MAST2: variants seen among roughly 807,000 people sequenced by gnomAD.
The protein encoded by MAST2 is microtubule-associated serine/threonine-protein kinase 2.
Under a neutral mutation model 147.4 loss-of-function variants are expected in MAST2, and 70 were observed. The observed-to-expected ratio is 0.47, with a 90% CI of 0.39 to 0.58. The LOEUF (loss-of-function observed/expected upper bound fraction) is 0.58. Among genes scored for constraint, MAST2 ranks in the 20% least tolerant of loss-of-function variants. The pLI is 0.00. For missense variants in MAST2, 2,080 were observed against 2,302.3 expected (o/e 0.90, Z 1.98); for synonymous variants, 869 against 896.8 (o/e 0.97, Z 0.55).
chr1:46,035,057 C>A lies in MAST2; in HGVS notation c.4388C>A (p.Ala1463Asp). Residue 1463 changes from alanine to aspartate, a missense_variant, in exon 29 of 29, where the codon GCC (alanine) becomes GAC (aspartate). Coordinates refer to ENST00000361297, the MANE Select transcript of MAST2 (RefSeq NM_015112.3). This position sits in a 1 kb window ranked among gnomAD's most constrained non-coding sequence, Gnocchi z 5.5. ...AGGAGTGTGCTGTCTGGCAAGGGGG[C>A]CCTGCCAGGGAAGGGGGTGCTGCAG... ...GARSVLSGKG[A>D]LPGKGVLQPA... is the part of the protein sequence containing the mutation. 6.2e-7 allele frequency: 1 copy of A among 1,613,770 alleles called. No homozygotes were observed. The highest frequency in any genetic ancestry group is 8.5e-7 in the Non-Finnish European group (1 of 1,179,976).
intron 4 of MAST2, among the ~76,000 whole-genome samples, chr1:45,896,325 T>G (rs1227724060): frequency 1.3e-5 from 2 of 152,062 alleles, no homozygotes; most frequent in African/African-American, 4.8e-5. Flanking sequence ...GCCACTGTAC[T>G]TAGCCTCTTA....
chr1:45,881,791 G>A (rs1215613565), intron 3 of MAST2, among the ~76,000 whole-genome samples: 1 of 151,836 alleles, frequency 6.6e-6, no homozygotes. Flanking sequence ...CCATCTAGTG[G>A]GAAAAATGTT....
intron 4 of MAST2, among the ~76,000 whole-genome samples, chr1:45,937,060 C>A (rs12022335): frequency 0.35 from 48,800 of 139,540 alleles, 8,696 homozygotes; most frequent in African/African-American, 0.45. Context: ...TTTTTTTCTC[C>A]AGTCACTTTT....
At chr1:45,999,542 G>A (rs771857539) in intron 6 of MAST2, among the ~76,000 whole-genome samples, 6 of 152,244 alleles carry the variant, frequency 3.9e-5, no homozygotes, top group African/African-American at 9.6e-5. Flanking sequence ...AGAGTCAGGC[G>A]CACTCGGCTG....
At chr1:45,987,762 G>GTTTTTTTT (rs11462786) in intron 5 of MAST2, among the ~76,000 whole-genome samples, 2 of 62,734 alleles carry the variant, frequency 3.2e-5, no homozygotes, top group Non-Finnish European at 5.7e-5. Context: ...AGCATTTCTT[G>GTTTTTTTT]TTTTTTTTTT....
intron 5 of MAST2, among the ~76,000 whole-genome samples, chr1:45,968,078 A>T (rs1295638496): frequency 6.6e-6 from 1 of 152,180 alleles, no homozygotes; most frequent in African/African-American, 2.4e-5. Flanking sequence ...AGCCTTTTAG[A>T]TTTTGGGCTT....
rs533944593 is a variant in MAST2, at chr1:46,026,510, A to T, written c.1919+695A>T. Among the ~76,000 whole-genome samples, 5 of 152,298 alleles carry T rather than the reference A, an allele frequency of 3.3e-5. No individual in the cohort carries two copies. In the East Asian group the frequency reaches 7.7e-4, roughly 24 times the overall value. On this transcript the variant is annotated intron_variant, in intron 16 of 28. Coordinates refer to ENST00000361297, the MANE Select transcript of MAST2 (RefSeq NM_015112.3). Reference sequence around the variant, plus strand: ...GAAGGGTCTGCTAACCAAAGATATGATAGAATGGCATGCCCAGATTATGGT... The same window carrying T: ...GAAGGGTCTGCTAACCAAAGATATGTTAGAATGGCATGCCCAGATTATGGT...
intron 4 of MAST2, among the ~76,000 whole-genome samples, chr1:45,884,597 A>T (rs151193337): frequency 6.6e-6 from 1 of 152,290 alleles, no homozygotes; most frequent in Non-Finnish European, 1.5e-5. Flanking sequence ...TGTGCTGGGT[A>T]GAGTGATCTA....
intron 5 of MAST2, among the ~76,000 whole-genome samples, chr1:45,978,241 C>T (rs1005394079): frequency 2.0e-5 from 3 of 152,112 alleles, no homozygotes; most frequent in Admixed American, 6.5e-5. Context: ...AAGCTGGGTG[C>T]GGTGGCTCAC....
intron 4 of MAST2, among the ~76,000 whole-genome samples, chr1:45,909,823 T>C (rs1216850036): frequency 6.6e-6 from 1 of 152,066 alleles, no homozygotes; most frequent in Non-Finnish European, 1.5e-5. Context: ...GCCCTTTCTT[T>C]TCTTTTTTGA....
chr1:46,029,874 G>T lies in MAST2; in HGVS notation c.2364G>T (p.Leu788=), dbSNP rs757114928. The change falls in exon 20 of 29, where the codon CTG becomes CTT. Residue 788 remains leucine (L), a synonymous_variant. Coordinates refer to ENST00000361297, the MANE Select transcript of MAST2 (RefSeq NM_015112.3). ...EVKQHPFFTG[L]DWTGLLRQKA... ...AGCAGCACCCATTCTTTACTGGTCT[G>T]GACTGGACAGGACTTCTCCGCCAGA... 1 of 1,614,184 alleles carries T rather than the reference G, an allele frequency of 6.2e-7. No individual in the cohort carries two copies. The highest frequency in any genetic ancestry group is 2.2e-5 in the East Asian group (1 of 44,890).
rs188090240 is a variant in MAST2 at position 45,920,454 on chromosome 1, G to A, written c.500+38059G>A. Among the ~76,000 whole-genome samples, 42 of 152,188 alleles carry A rather than the reference G, an allele frequency of 2.8e-4. No individual in the cohort carries two copies. The East Asian group carries it at 4.2e-3, about 15-fold the overall frequency. On this transcript the variant is annotated intron_variant, in intron 4 of 28. Coordinates refer to ENST00000361297, the MANE Select transcript of MAST2 (RefSeq NM_015112.3). Reference sequence around the variant, plus strand: ...GGGCTTATTTTGCATGTTTCCCATCGGTCCAGTGTCTGCAAACTATTGTTT... The same window carrying A: ...GGGCTTATTTTGCATGTTTCCCATCAGTCCAGTGTCTGCAAACTATTGTTT...
chr1:45,817,514 T>C (rs1253533014), intron 1 of MAST2, among the ~76,000 whole-genome samples: 1 of 152,118 alleles, frequency 6.6e-6, no homozygotes, highest in Admixed American at 6.6e-5. Flanking sequence ...AAATAACGAC[T>C]TCATAAGACA....
At position 46,032,358 on chromosome 1, in the gene MAST2, T is replaced by C; in HGVS notation, c.3368T>C (p.Val1123Ala). 6.2e-7 allele frequency: 1 copy of C among 1,613,392 alleles called. No individual in the cohort carries two copies. Among genetic ancestry groups the C allele is most frequent in the Non-Finnish European group, 8.5e-7 (1 of 1,179,784 alleles). Residue 1123 changes from valine (V) to alanine (A), a missense_variant, in exon 25 of 29, where the codon GTC becomes GCC. By Grantham distance (64) the Val-to-Ala change is moderately conservative (BLOSUM62 0). Around this residue, in one of 4 missense-constraint regions of MAST2, gnomAD observed 1,278 missense variants for 1,304.2 expected, o/e 0.98. Coordinates refer to ENST00000361297, the MANE Select transcript of MAST2 (RefSeq NM_015112.3). ...KYGFTLRAIRVYMGDSDVYTV... is the reference protein window; with the variant it reads ...KYGFTLRAIRAYMGDSDVYTV... ...GGCTTCACCCTGCGGGCCATTCGCG[T>C]CTACATGGGTGACTCCGATGTCTAC...
At chr1:46,024,192 T>C (rs1186967026) in intron 15 of MAST2, 4 of 561,800 alleles carry the variant, frequency 7.1e-6, no homozygotes, top group African/African-American at 1.9e-5. Flanking sequence ...CATTCTGGGA[T>C]AGGATGTAGC....
chr1:46,032,787 AGGGGAGT>A, intron 26 of MAST2, 69 bp downstream of exon 26: 1 of 1,569,466 alleles, frequency 6.4e-7, no homozygotes, highest in Admixed American at 1.7e-5. Context: ...GATGGCAGTT[AGGGGAGT>A]GGGTGAGTTG....
intron 5 of MAST2, among the ~76,000 whole-genome samples, chr1:45,968,435 AT>A (rs34857925): frequency 0.45 from 67,304 of 150,546 alleles, 15,188 homozygotes; most frequent in East Asian, 0.63. Flanking sequence ...TTGAAGTATA[AT>A]TTCACAGGGT....
chr1:45,978,079 CA>C (rs1644247859), intron 5 of MAST2, among the ~76,000 whole-genome samples: 1 of 151,596 alleles, frequency 6.6e-6, no homozygotes, highest in African/African-American at 2.4e-5. Flanking sequence ...ACAAAAACCA[CA>C]CAAAAAAACC....
chr1:45,826,125 T>G (rs979358619), intron 2 of MAST2, among the ~76,000 whole-genome samples: 6 of 152,178 alleles, frequency 3.9e-5, no homozygotes, highest in African/African-American at 1.4e-4. Context: ...GCTCTTTCTT[T>G]TGAGCATCTA....
Sources: gnomAD v4.1 joint callset for allele counts (sites outside exome capture counted in the v4.1 genomes callset) on GRCh38, gnomAD v4.1.1 for gene constraint, gnomAD v4.1.1 regional missense constraint, Gnocchi (gnomAD v3.1) non-coding constraint, MANE v1.5 for transcripts, NCBI Gene and HGNC (gene_info 2026-07-23, HGNC 2026-07-21) for gene names.